Variants in MAJIN observed in about 807,000 individuals in gnomAD.
The protein encoded by MAJIN is membrane-anchored junction protein.
MAJIN carries 27 observed loss-of-function variants against 30.2 expected under a neutral mutation model. That is an observed-to-expected ratio of 0.89 (90% CI 0.66 to 1.23). The LOEUF is 1.23. MAJIN is among the 50% of genes most tolerant of loss of function. The pLI, the probability that MAJIN is intolerant of heterozygous loss-of-function variation, is 0.00. For synonymous variants in MAJIN, 78 were observed against 91.6 expected, an observed-to-expected ratio of 0.85 and a Z score of 0.85; for missense variants, 253 against 260.3, an observed-to-expected ratio of 0.97 and a Z score of 0.19.
rs1276230699 is a variant in MAJIN at position 64,972,070 on chromosome 11, G to A, written c.-258C>T. 3 of 152,208 alleles carry A rather than the reference G, an allele frequency of 2.0e-5. No individual in the cohort carries two copies. The highest frequency in any genetic ancestry group is 4.4e-5 in the Non-Finnish European group (3 of 68,040). The allele number at this position is 152,208 out of a possible 1,614,324, so 9.4% of individuals were successfully genotyped here. On this transcript the variant is annotated 5_prime_UTR_variant, in exon 1 of 11. Transcript: ENST00000301896. Reference sequence around the variant, plus strand: ...GCTCCTAAGCAACTTCGGGGCTCGTGCCGCGCACCCACCAGGCCTTCTGCG... The same window carrying A: ...GCTCCTAAGCAACTTCGGGGCTCGTACCGCGCACCCACCAGGCCTTCTGCG...
chr11:64,940,684 C>T (rs1945360972), intron 8 of MAJIN, 38 bp from the exon 9 acceptor site: 1 of 1,567,890 alleles, frequency 6.4e-7, no homozygotes, highest in South Asian at 1.1e-5. Flanking sequence ...TTAAACTTTC[C>T]TCCTACACTG....
intron 8 of MAJIN, among the ~76,000 whole-genome samples, chr11:64,942,088 G>A (rs1193222279): frequency 6.6e-6 from 1 of 152,124 alleles, no homozygotes; most frequent in Non-Finnish European, 1.5e-5. Flanking sequence ...TAAACACCCT[G>A]ATAATCAGAA....
intron 4 of MAJIN, among the ~76,000 whole-genome samples, chr11:64,952,463 C>T (rs1030231810): frequency 1.3e-5 from 2 of 151,884 alleles, no homozygotes; most frequent in Non-Finnish European, 2.9e-5. Context: ...GCTGGGATTA[C>T]AGGCGTGAGC....
rs377576701 is a variant in MAJIN, at chr11:64,942,247, C to T, written c.474-1601G>A. On this transcript the variant is annotated intron_variant, in intron 8 of 10. Coordinates refer to ENST00000301896, the MANE Select transcript of MAJIN (RefSeq NM_001037225.3). ...TTCTTTTTTTTTTCTTTTGGGTGTG[C>T]AGTTCTGTGAATTTTTTTCCCGTTT... Among the ~76,000 whole-genome samples the T allele has an allele frequency of 1.8e-4, 28 of 151,822 alleles. No individual in the cohort carries two copies. In the South Asian group the frequency reaches 5.0e-3, roughly 27 times the overall value.
chr11:64,968,328 C>T (rs1026787073), intron 1 of MAJIN, among the ~76,000 whole-genome samples: 6 of 151,920 alleles, frequency 3.9e-5, no homozygotes, highest in Admixed American at 1.3e-4. Context: ...TGGAGTATAG[C>T]GACACAATCA....
At chr11:64,965,532 C>A (rs1307642082) in intron 1 of MAJIN, among the ~76,000 whole-genome samples, 1 of 152,142 alleles carries the variant, frequency 6.6e-6, no homozygotes, top group African/African-American at 2.4e-5. Flanking sequence ...ATCCTAAGAG[C>A]TAATGAAAAA....
intron 3 of MAJIN, among the ~76,000 whole-genome samples, chr11:64,957,781 C>A (rs897695329): frequency 1.3e-5 from 2 of 152,122 alleles, no homozygotes; most frequent in Non-Finnish European, 2.9e-5. Context: ...ACTGCAACCT[C>A]CACCTCCCGG....
intron 1 of MAJIN, among the ~76,000 whole-genome samples, chr11:64,963,587 C>T (rs1332626222): frequency 6.6e-6 from 1 of 152,216 alleles, no homozygotes; most frequent in African/African-American, 2.4e-5. Context: ...ACTGTAATCT[C>T]AGCACTTTGG....
In MAJIN at chr11:64,949,851, T is replaced by C; in HGVS notation, c.241A>G (p.Arg81Gly). 6.2e-7 allele frequency: 1 copy of C among 1,605,714 alleles called. No homozygotes were observed. Among genetic ancestry groups the C allele is most frequent in the Middle Eastern group, 1.6e-4 (1 of 6,062 alleles). ...TGTTTGAATTTCAGGTGGGAAACTC[T>C]CTCCCATTTGCTTTTATCTGGAAAA... ...IVFPYKSKWE[R>G]VSHLKFKHGE... is the part of the protein sequence containing the mutation. Residue 81 changes from arginine (R) to glycine (G), a missense_variant, in exon 6 of 11, where the codon AGA becomes GGA. By Grantham distance (125) the Arg-to-Gly change is moderately radical. Transcript: ENST00000301896.
chr11:64,962,954 C>G lies in MAJIN; in HGVS notation c.-64-2819G>C, dbSNP rs565434861. On this transcript the variant is annotated intron_variant, in intron 1 of 10. Transcript: ENST00000301896. The stretch of plus-strand genomic sequence containing the variant: ...CCAGTCTGGCCAATGTGGCGAAACC[C>G]CGCCTCTACTAAAAATACAAAAATT... Among the ~76,000 whole-genome samples the G allele has an allele frequency of 2.6e-4, 39 of 152,154 alleles. No homozygotes were observed. The South Asian group carries it at 7.7e-3, about 30-fold the overall frequency.
At chr11:64,946,140 TC>T in intron 8 of MAJIN, 2 of 1,535,324 alleles carry the variant, frequency 1.3e-6, no homozygotes, top group Non-Finnish European at 1.7e-6. Context: ...TGGCTGGAAG[TC>T]CCTATCTTGG....
intron 6 of MAJIN, 37 bp from the exon 7 acceptor site, chr11:64,947,856 GAC>G: frequency 3.9e-6 from 5 of 1,276,432 alleles, no homozygotes; most frequent in Admixed American, 3.8e-5. Context: ...ATAGATTTAA[GAC>G]TTTTTTTTTT....
rs1293779494 is a variant in MAJIN, at chr11:64,940,573, C to T, written c.546+1G>A. ...ATAAATGGAAATTTCCCAGGACCTA[C>T]CTTGTTTCTGGACATCAGTGATATC... On this transcript the variant is annotated splice_donor_variant, in intron 9 of 10. Transcript: ENST00000301896. LOFTEE classifies it high-confidence loss of function. 1 of 1,612,936 alleles carries T rather than the reference C, an allele frequency of 6.2e-7. No individual in the cohort carries two copies. Among genetic ancestry groups the T allele is most frequent in the Non-Finnish European group, 8.5e-7 (1 of 1,178,930 alleles).
At chr11:64,969,693 T>C (rs1001699176) in intron 1 of MAJIN, among the ~76,000 whole-genome samples, 59 of 150,958 alleles carry the variant, frequency 3.9e-4, no homozygotes, top group African/African-American at 1.3e-3. Flanking sequence ...GGCAAGACTC[T>C]GTCTTTTTTT....
chr11:64,966,433 G>T (rs1945810765), intron 1 of MAJIN, among the ~76,000 whole-genome samples: 1 of 152,066 alleles, frequency 6.6e-6, no homozygotes, highest in Non-Finnish European at 1.5e-5. Context: ...TACTCGGGAG[G>T]CTGAGGTAGG....
intron 4 of MAJIN, among the ~76,000 whole-genome samples, chr11:64,951,870 A>G: frequency 6.6e-6 from 1 of 151,532 alleles, no homozygotes; most frequent in Non-Finnish European, 1.5e-5. Context: ...TTTATTGAGT[A>G]ATTACTATGG....
At chr11:64,955,441 T>C (rs189561994) in intron 3 of MAJIN, among the ~76,000 whole-genome samples, 45 of 152,360 alleles carry the variant, frequency 3.0e-4, no homozygotes, top group African/African-American at 1.1e-3. Context: ...AATATGATAG[T>C]TATTTTAGGG....
In MAJIN at chr11:64,972,082, C is replaced by G. The variant is rs75592027; in HGVS notation, c.-270G>C. 2 of 152,204 alleles carry G rather than the reference C, an allele frequency of 1.3e-5. No individual in the cohort carries two copies. Among genetic ancestry groups the G allele is most frequent in the Admixed American group, 1.3e-4 (2 of 15,286 alleles). The allele number at this position is 152,204 out of a possible 1,614,324, so 9.4% of individuals were successfully genotyped here. ...CTTCGGGGCTCGTGCCGCGCACCCA[C>G]CAGGCCTTCTGCGCACGCGCAAGTG... On this transcript the variant is annotated 5_prime_UTR_variant, in exon 1 of 11. Transcript: ENST00000301896.
chr11:64,971,409 C>A (rs1296189132), intron 1 of MAJIN, among the ~76,000 whole-genome samples: 8 of 120,668 alleles, frequency 6.6e-5, no homozygotes, highest in African/African-American at 1.3e-4. Context: ...GCCTGGGCGA[C>A]AGAGCGAGAC....
Sources: allele counts gnomAD v4.1 joint callset (sites outside exome capture counted in the v4.1 genomes callset), GRCh38; gene constraint gnomAD v4.1.1; transcripts MANE v1.5; gene names NCBI Gene and HGNC (gene_info 2026-07-23, HGNC 2026-07-21).